Variants in ZNF106 observed in about 807,000 individuals in gnomAD.
The protein encoded by ZNF106 is SH3-domain binding protein 3.
ZNF106 carries 67 observed loss-of-function variants against 195.1 expected under a neutral mutation model. That is an observed-to-expected ratio of 0.34 (90% CI 0.28 to 0.42). The LOEUF (loss-of-function observed/expected upper bound fraction) is 0.42. Ranked by LOEUF, ZNF106 falls within the 10% of genes least tolerant of loss-of-function variation. The pLI is 1.00. For missense variants in ZNF106, 2,118 were observed against 2,304.5 expected, an observed-to-expected ratio of 0.92 and a Z score of 1.66; for synonymous variants, 784 against 818.6, an observed-to-expected ratio of 0.96 and a Z score of 0.72.
At chr15:42,445,121 T>G in intron 7 of ZNF106, 140 bp from the exon 8 acceptor site, 1 of 1,031,156 alleles carries the variant, frequency 9.7e-7, no homozygotes, top group Non-Finnish European at 1.4e-6. Context: ...TCATAAAACA[T>G]TTAGTCAAGC....
At position 42,485,646 on chromosome 15, in the gene ZNF106, A is replaced by T. The variant is rs142784161; in HGVS notation, c.-33+5334T>A. 7.0e-3 allele frequency among the ~76,000 whole-genome samples: 1,073 copies of T among 152,272 alleles called. 15 individuals are homozygous for T. Among genetic ancestry groups the T allele is most frequent in the African/African-American group, 0.025 (1,033 of 41,546 alleles). On this transcript the variant is annotated intron_variant, in intron 1 of 21. Coordinates refer to ENST00000564754, the MANE Select transcript of ZNF106 (RefSeq NM_001366845.3). ...GTCCAGGGTTGGTTTCTACCTTGTA[A>T]CCTTAGCTGCTTAGGATAGGCTCTG... is the stretch of plus-strand genomic sequence containing the variant.
Position 42,451,604 on chromosome 15 carries a change from C to A in ZNF106, c.668G>T (p.Gly223Val). 2 of 1,614,194 alleles carry A rather than the reference C, an allele frequency of 1.2e-6. No homozygotes were observed. The highest frequency in any genetic ancestry group is 1.7e-6 in the Non-Finnish European group (2 of 1,180,042). ...TTCAGAAAGCCAACTGGAATTCCTTCCTGTACCATTATGATTCCAATCTAC... is the reference window on the plus strand; with the variant it reads ...TTCAGAAAGCCAACTGGAATTCCTTACTGTACCATTATGATTCCAATCTAC... ...GAVDWNHNGT[G>V]RNSSWLSEGT... The change falls in exon 5 of 22, where the codon GGA becomes GTA. Residue 223 changes from glycine (G) to valine (V), a missense_variant. By Grantham distance (109) the Gly-to-Val change is moderately radical (BLOSUM62 -3). Coordinates refer to ENST00000564754, the MANE Select transcript of ZNF106 (RefSeq NM_001366845.3).
chr15:42,432,333 A>G (rs1321538143), intron 14 of ZNF106, among the ~76,000 whole-genome samples: 2 of 151,776 alleles, frequency 1.3e-5, no homozygotes, highest in Non-Finnish European at 2.9e-5. Context: ...TCATTTTTTT[A>G]TTTTTTGTGG....
intron 1 of ZNF106, among the ~76,000 whole-genome samples, chr15:42,478,157 TAC>T (rs1446257608): frequency 1.3e-5 from 2 of 151,918 alleles, no homozygotes; most frequent in African/African-American, 2.4e-5. Context: ...CCAATATTGA[TAC>T]ATTGTTATTT....
chr15:42,450,081 T>C lies in ZNF106; in HGVS notation c.2191A>G (p.Ile731Val). 2 of 1,614,178 alleles carry C rather than the reference T, an allele frequency of 1.2e-6. No homozygotes were observed. The highest frequency in any genetic ancestry group is 1.7e-6 in the Non-Finnish European group (2 of 1,180,036). ...SLDAELQKSD[I>V]SQPSGPLLPE... ...AGGAGAGGGCCCGAGGGCTGACTGATGTCACTTTTTTGAAGCTCTGCATCC... is the reference window on the plus strand; with the variant it reads ...AGGAGAGGGCCCGAGGGCTGACTGACGTCACTTTTTTGAAGCTCTGCATCC... Residue 731 changes from isoleucine (I) to valine (V), a missense_variant, in exon 5 of 22, where the codon ATC (isoleucine) becomes GTC (valine). Ile to Val is a conservative substitution (Grantham distance 29, BLOSUM62 3). Coordinates refer to ENST00000564754, the MANE Select transcript of ZNF106 (RefSeq NM_001366845.3).
chr15:42,424,569 T>C, intron 16 of ZNF106: 1 of 392,844 alleles, frequency 2.5e-6, no homozygotes, highest in Middle Eastern at 7.0e-4. Context: ...CACTGCAGCC[T>C]CGATCTTTGG....
intron 3 of ZNF106, among the ~76,000 whole-genome samples, chr15:42,462,293 G>GTATCTATAATA (rs1259591840): frequency 6.6e-6 from 1 of 152,140 alleles, no homozygotes; most frequent in Admixed American, 6.6e-5. Flanking sequence ...AACAAAATGT[G>GTATCTATAATA]TATCTATAAA....
intron 1 of ZNF106, among the ~76,000 whole-genome samples, chr15:42,473,210 A>G (rs531859482): frequency 1.3e-5 from 2 of 152,296 alleles, no homozygotes; most frequent in Admixed American, 1.3e-4. Flanking sequence ...GTACGCAAAT[A>G]TTCCAAGATC....
At position 42,413,046 on chromosome 15, in the gene ZNF106, A is replaced by C. The variant is rs2054322080; in HGVS notation, c.*4258T>G. 6.6e-6 allele frequency: 1 copy of C among 152,148 alleles called. No individual in the cohort carries two copies. The highest frequency in any genetic ancestry group is 2.4e-5 in the African/African-American group (1 of 41,434). 9.4% of individuals were successfully genotyped at this position (152,148 alleles called of 1,614,324 possible). A position where few individuals can be genotyped will look rare whatever the true frequency, so the allele number is the denominator to read the frequency against. ...AGCTCTAGGGCATATATTTCTCTTA[A>C]ATAGGAGAAAGATTTTCAACAGCTT... is the stretch of plus-strand genomic sequence containing the variant. On this transcript the variant is annotated 3_prime_UTR_variant, in exon 22 of 22. Coordinates refer to ENST00000564754, the MANE Select transcript of ZNF106 (RefSeq NM_001366845.3).
chr15:42,413,059 T>C lies in ZNF106; in HGVS notation c.*4245A>G, dbSNP rs2054322386. ...ATATTTCTCTTAAATAGGAGAAAGA[T>C]TTTCAACAGCTTTTCCTCCTTGACC... On this transcript the variant is annotated 3_prime_UTR_variant, in exon 22 of 22. Coordinates refer to ENST00000564754, the MANE Select transcript of ZNF106 (RefSeq NM_001366845.3). 1 of 152,216 alleles carries C rather than the reference T, an allele frequency of 6.6e-6. No homozygotes were observed. Among genetic ancestry groups the C allele is most frequent in the African/African-American group, 2.4e-5 (1 of 41,446 alleles). 9.4% of individuals were successfully genotyped at this position (152,216 alleles called of 1,614,324 possible). A position where few individuals can be genotyped will look rare whatever the true frequency, so the allele number is the denominator to read the frequency against.
At chr15:42,421,670 G>T (rs1167989112) in intron 19 of ZNF106, among the ~76,000 whole-genome samples, 3 of 152,138 alleles carry the variant, frequency 2.0e-5, no homozygotes, top group South Asian at 4.1e-4. Context: ...TCAATTTTTT[G>T]AAGCATCTTA....
chr15:42,473,082 G>A (rs949364462), intron 1 of ZNF106, among the ~76,000 whole-genome samples: 4 of 151,472 alleles, frequency 2.6e-5, no homozygotes, highest in African/African-American at 9.7e-5. Flanking sequence ...TCTGAAATCT[G>A]AAATCTGAAA....
At chr15:42,429,455 A>T (rs1431361567) in intron 14 of ZNF106, among the ~76,000 whole-genome samples, 3 of 151,436 alleles carry the variant, frequency 2.0e-5, no homozygotes, top group Admixed American at 1.3e-4. Flanking sequence ...AAAAAAAAAA[A>T]TTTGTTGTTG....
chr15:42,462,335 C>T (rs577908724), intron 3 of ZNF106, among the ~76,000 whole-genome samples: 5 of 152,262 alleles, frequency 3.3e-5, no homozygotes, highest in Admixed American at 6.5e-5. Context: ...CGGTGGCTCA[C>T]GCCTGTAATC....
rs368202094 is a variant in ZNF106 at position 42,446,577 on chromosome 15, T to C, written c.3205+12A>G. 2 of 1,581,714 alleles carry C rather than the reference T, an allele frequency of 1.3e-6. No individual in the cohort carries two copies. The highest frequency in any genetic ancestry group is 2.7e-5 in the African/African-American group (2 of 73,938). On this transcript the variant is annotated intron_variant, in intron 7 of 21. Transcript: ENST00000564754. ...CACCAACTTCTTTCTTCCAAAATAT[T>C]CTGCACCATACCTTTTTTTCCTTTA...
chr15:42,462,755 C>G (rs1356049124), intron 3 of ZNF106, among the ~76,000 whole-genome samples: 1 of 152,066 alleles, frequency 6.6e-6, no homozygotes, highest in Non-Finnish European at 1.5e-5. Context: ...TTTTATGATT[C>G]TGTATTGATT....
At chr15:42,431,439 C>T (rs2141288446) in intron 14 of ZNF106, among the ~76,000 whole-genome samples, 1 of 146,418 alleles carries the variant, frequency 6.8e-6, no homozygotes, top group Non-Finnish European at 1.5e-5. Context: ...GTTGCCCAGG[C>T]TGGAGTACAG....
intron 1 of ZNF106, among the ~76,000 whole-genome samples, chr15:42,487,489 T>TAAAA (rs2057042715): frequency 3.0e-5 from 1 of 33,052 alleles, no homozygotes; most frequent in African/African-American, 3.4e-4. Context: ...AGACCCTGTC[T>TAAAA]CAAAAAAAAA....
chr15:42,484,992 C>G (rs11638208), intron 1 of ZNF106, among the ~76,000 whole-genome samples: 86,688 of 151,756 alleles, frequency 0.57, 29,970 homozygotes, highest in East Asian at 0.79. Flanking sequence ...AACCCCGTTT[C>G]TACAAAAAAA....
Sources: allele counts gnomAD v4.1 joint callset (sites outside exome capture counted in the v4.1 genomes callset), GRCh38; gene constraint gnomAD v4.1.1; transcripts MANE v1.5; gene names NCBI Gene and HGNC (gene_info 2026-07-23, HGNC 2026-07-21).